Variants in FRMD4B observed in about 807,000 individuals in gnomAD.
The protein encoded by FRMD4B is FERM domain-containing protein 4B.
In FRMD4B, 74 loss-of-function variants were observed where a neutral mutation model predicts 141.5. The ratio of observed to expected loss-of-function variants is 0.52; its 90% confidence interval spans 0.43 to 0.63. FRMD4B has a LOEUF of 0.63. FRMD4B is among the 30% of genes least tolerant of loss of function. FRMD4B has a pLI of 0.00. For missense variants in FRMD4B, 1,366 were observed against 1,253.4 expected, an observed-to-expected ratio of 1.09 and a Z score of -1.36; for synonymous variants, 506 against 467.9, an observed-to-expected ratio of 1.08 and a Z score of -1.05.
chr3:69,517,779 T>A (rs1307965211), intron 1 of FRMD4B, among the ~76,000 whole-genome samples: 3 of 152,152 alleles, frequency 2.0e-5, no homozygotes, highest in African/African-American at 7.2e-5. Flanking sequence ...TCAGCTCAAG[T>A]GTGGAACCTC....
At chr3:69,291,121 G>A (rs1700858343) in intron 4 of FRMD4B, among the ~76,000 whole-genome samples, 1 of 152,172 alleles carries the variant, frequency 6.6e-6, no homozygotes, top group South Asian at 2.1e-4. Context: ...AAAAGTTAGA[G>A]TAGTCTCAGA....
chr3:69,200,357 A>G (rs2107668227), intron 11 of FRMD4B: 3 of 864,336 alleles, frequency 3.5e-6, no homozygotes, highest in Non-Finnish European at 4.2e-6. Context: ...TAATAAAAGT[A>G]TAAAGTTACA....
At chr3:69,394,701 T>C (rs1031429611) in intron 2 of FRMD4B, among the ~76,000 whole-genome samples, 3 of 152,162 alleles carry the variant, frequency 2.0e-5, no homozygotes, top group African/African-American at 7.2e-5. Flanking sequence ...CATTCTACTA[T>C]AAAGACACAT....
chr3:69,516,566 T>A (rs1331748231), intron 1 of FRMD4B, among the ~76,000 whole-genome samples: 1 of 152,172 alleles, frequency 6.6e-6, no homozygotes, highest in Non-Finnish European at 1.5e-5. Flanking sequence ...CCTGCCAACA[T>A]CTTGATTTTA....
chr3:69,367,909 C>G (rs1444595039), intron 1 of FRMD4B, among the ~76,000 whole-genome samples: 2 of 152,178 alleles, frequency 1.3e-5, no homozygotes, highest in Non-Finnish European at 2.9e-5. Flanking sequence ...AACAATTTAT[C>G]AGATCAATCA....
chr3:69,382,164 CGA>C (rs1704134245), intron 1 of FRMD4B, among the ~76,000 whole-genome samples: 1 of 152,148 alleles, frequency 6.6e-6, no homozygotes, highest in South Asian at 2.1e-4. Context: ...CTCAGCCTCC[CGA>C]GTAGCTAGGA....
chr3:69,386,496 G>T (rs1704259041), upstream of FRMD4B, among the ~76,000 whole-genome samples: 1 of 152,038 alleles, frequency 6.6e-6, no homozygotes, highest in Admixed American at 6.5e-5. Flanking sequence ...TCTGCCTCGG[G>T]GAACACCTTA....
intron 1 of FRMD4B, among the ~76,000 whole-genome samples, chr3:69,364,784 C>CA (rs1703589298): frequency 6.6e-6 from 1 of 151,998 alleles, no homozygotes. Flanking sequence ...CAAAGAAGCT[C>CA]AAAAACCCCT....
chr3:69,254,813 C>T (rs2093483060), intron 5 of FRMD4B, among the ~76,000 whole-genome samples: 1 of 152,042 alleles, frequency 6.6e-6, no homozygotes, highest in Admixed American at 6.6e-5. Flanking sequence ...AGAATTAGCT[C>T]TCAAGAGATG....
chr3:69,474,003 T>C lies in FRMD4B; in HGVS notation c.-128-41242A>G, dbSNP rs568141244. ...CTTCTCCCTCTTTTCCAACCTTCCCTACACAATACAAAAATTAGAGATGCC... is the reference window on the plus strand; with the variant it reads ...CTTCTCCCTCTTTTCCAACCTTCCCCACACAATACAAAAATTAGAGATGCC... On this transcript the variant is annotated intron_variant, in intron 1 of 5. Transcript: ENST00000459638. Among the ~76,000 whole-genome samples the C allele has an allele frequency of 9.9e-5, 15 of 152,282 alleles. 1 individual carries two copies. In the South Asian group the frequency reaches 2.9e-3, roughly 29 times the overall value.
intron 1 of FRMD4B, among the ~76,000 whole-genome samples, chr3:69,451,234 G>A (rs551306661): frequency 6.6e-6 from 1 of 152,076 alleles, no homozygotes; most frequent in South Asian, 2.1e-4. Context: ...AATAAAAACT[G>A]TCCTGCTGCG....
chr3:69,184,498 G>C (rs915444497), intron 19 of FRMD4B, among the ~76,000 whole-genome samples: 1 of 152,156 alleles, frequency 6.6e-6, no homozygotes, highest in African/African-American at 2.4e-5. Context: ...AGTTGAACAT[G>C]TGGTTTGTTT....
At chr3:69,507,151 C>T (rs539183101) in intron 1 of FRMD4B, among the ~76,000 whole-genome samples, 9 of 152,234 alleles carry the variant, frequency 5.9e-5, no homozygotes, top group Admixed American at 4.6e-4. Flanking sequence ...TTTTGTGACA[C>T]ACACAAGCAG....
intron 7 of FRMD4B, among the ~76,000 whole-genome samples, chr3:69,234,839 G>C (rs1456162355): frequency 6.6e-6 from 1 of 152,084 alleles, no homozygotes; most frequent in East Asian, 1.9e-4. Context: ...ACTGCAATAG[G>C]ATAAACACAA....
intron 5 of FRMD4B, among the ~76,000 whole-genome samples, chr3:69,262,755 C>A (rs192802696): frequency 6.6e-6 from 1 of 151,208 alleles, no homozygotes; most frequent in African/African-American, 2.4e-5. Flanking sequence ...CCACCGCGCC[C>A]GGTCCACAAA....
intron 5 of FRMD4B, among the ~76,000 whole-genome samples, chr3:69,251,049 ATAT>A (rs1463212766): frequency 2.0e-5 from 3 of 152,214 alleles, no homozygotes; most frequent in African/African-American, 7.2e-5. Context: ...GATACATGAA[ATAT>A]TATTACTAAA....
intron 11 of FRMD4B, among the ~76,000 whole-genome samples, chr3:69,215,532 C>A (rs998467633): frequency 2.0e-5 from 3 of 151,712 alleles, no homozygotes; most frequent in Non-Finnish European, 4.4e-5. Flanking sequence ...ACCTTCTGAT[C>A]CACCCACCTT....
chr3:69,169,586 A>G lies in FRMD4B; in HGVS notation c.*2275T>C, dbSNP rs930687961. On this transcript the variant is annotated 3_prime_UTR_variant, in exon 23 of 23. Transcript: ENST00000398540. ...TGTCCAGGCTGGTCTTGAACTCCTG[A>G]GCTCAAGCAATCCTCCCACTTCGGC... is the stretch of plus-strand genomic sequence containing the variant. 2.0e-5 allele frequency among the ~76,000 whole-genome samples: 3 copies of G among 151,952 alleles called. No homozygotes were observed. Among genetic ancestry groups the G allele is most frequent in the African/African-American group, 7.2e-5 (3 of 41,384 alleles).
intron 2 of FRMD4B, among the ~76,000 whole-genome samples, chr3:69,401,018 C>CA (rs1463846584): frequency 6.6e-6 from 1 of 151,806 alleles, no homozygotes; most frequent in Non-Finnish European, 1.5e-5. Context: ...TTTTGAATGC[C>CA]CTTTTCCATA....
Sources: allele counts gnomAD v4.1 joint callset (sites outside exome capture counted in the v4.1 genomes callset), GRCh38; gene constraint gnomAD v4.1.1; transcripts MANE v1.5; gene names NCBI Gene and HGNC (gene_info 2026-07-23, HGNC 2026-07-21).